The following PTPRD variants were observed in gnomAD, a reference collection of about 807,000 sequenced individuals.
PTPRD encodes protein tyrosine phosphatase receptor type D.
A neutral mutation model predicts 214.5 loss-of-function variants in PTPRD; 34 were observed. That is an observed-to-expected ratio of 0.16 (90% CI 0.12 to 0.21). PTPRD has a LOEUF of 0.21. PTPRD is among the 10% of genes least tolerant of loss of function. The pLI is 1.00. For missense variants in PTPRD, 2,545 were observed against 2,398.7 expected (o/e 1.06, Z -1.27); for synonymous variants, 1,128 against 845.7 (o/e 1.33, Z -5.79).
chr9:8,541,617 C>T (rs1040434194), intron 14 of PTPRD, among the ~76,000 whole-genome samples: 12 of 152,122 alleles, frequency 7.9e-5, no homozygotes, highest in African/African-American at 2.9e-4. Flanking sequence ...AATCCTTCCA[C>T]CCTGGCCTTC....
intron 3 of PTPRD, among the ~76,000 whole-genome samples, chr9:10,044,186 T>C (rs1021290654): frequency 6.6e-6 from 1 of 150,850 alleles, no homozygotes; most frequent in Non-Finnish European, 1.5e-5. Flanking sequence ...CTCCCTATAA[T>C]TGTGTTTCTG....
At chr9:9,582,008 A>G (rs936371999) in intron 7 of PTPRD, among the ~76,000 whole-genome samples, 6 of 152,190 alleles carry the variant, frequency 3.9e-5, no homozygotes, top group Admixed American at 1.3e-4. Context: ...TTCAAAAGCT[A>G]CTAGACATTG....
At chr9:9,458,239 A>G in intron 8 of PTPRD, among the ~76,000 whole-genome samples, 1 of 152,178 alleles carries the variant, frequency 6.6e-6, no homozygotes, top group Admixed American at 6.6e-5. Flanking sequence ...ATAAATGAGT[A>G]AACAATTCAA....
At chr9:9,990,871 C>G (rs1267288303) in intron 4 of PTPRD, among the ~76,000 whole-genome samples, 1 of 151,908 alleles carries the variant, frequency 6.6e-6, no homozygotes. Context: ...GATATATTGT[C>G]TCAGTGTCAA....
chr9:10,169,756 T>G (rs2099188869), intron 3 of PTPRD, among the ~76,000 whole-genome samples: 1 of 151,968 alleles, frequency 6.6e-6, no homozygotes, highest in Admixed American at 6.6e-5. Flanking sequence ...TGTAGATGAG[T>G]GTTTAGGCAG....
chr9:8,975,666 G>T, intron 11 of PTPRD, among the ~76,000 whole-genome samples: 1 of 151,842 alleles, frequency 6.6e-6, no homozygotes, highest in East Asian at 1.9e-4. Flanking sequence ...TATTTATTCA[G>T]TGTAATAAAC....
At chr9:9,941,421 C>G (rs552742575) in intron 4 of PTPRD, among the ~76,000 whole-genome samples, 1 of 152,158 alleles carries the variant, frequency 6.6e-6, no homozygotes, top group African/African-American at 2.4e-5. Context: ...CTCTTGGGTT[C>G]AAGTGATTCT....
rs780335219 is a variant in PTPRD, at chr9:8,341,729, C to T, written c.4911G>A (p.Thr1637=). The change falls in exon 40 of 46, where the codon ACG becomes ACA. Residue 1637 remains threonine (T), a synonymous_variant. Transcript: ENST00000381196. ...GCTCCATTCCTGTGACATTCTCTCC[C>T]GTTTCTATTTGTGTCAGCTTCTGAA... ...AYIQKLTQIE[T]GENVTGMELE... 2.2e-5 allele frequency: 36 copies of T among 1,613,326 alleles called. No individual in the cohort carries two copies. Among genetic ancestry groups the T allele is most frequent in the South Asian group, 5.5e-5 (5 of 91,056 alleles).
chr9:9,086,822 G>A (rs2099767729), intron 10 of PTPRD, among the ~76,000 whole-genome samples: 1 of 152,106 alleles, frequency 6.6e-6, no homozygotes, highest in Non-Finnish European at 1.5e-5. Context: ...ACAGACTTCT[G>A]GGGAATTGGG....
At chr9:9,388,353 C>T (rs1034751942) in intron 9 of PTPRD, among the ~76,000 whole-genome samples, 1 of 152,090 alleles carries the variant, frequency 6.6e-6, no homozygotes, top group African/African-American at 2.4e-5. Flanking sequence ...AGCCAGGGAC[C>T]ACACACTCCT....
At chr9:9,640,704 T>C (rs2095912192) in intron 7 of PTPRD, among the ~76,000 whole-genome samples, 1 of 152,200 alleles carries the variant, frequency 6.6e-6, no homozygotes, top group African/African-American at 2.4e-5. Context: ...AGAATAGTGA[T>C]TGGTCTTGAT....
intron 22 of PTPRD, 104 bp downstream of exon 22, chr9:8,507,197 G>A: frequency 7.7e-7 from 1 of 1,305,868 alleles, no homozygotes; most frequent in South Asian, 1.8e-5. Flanking sequence ...TTCCATCAAG[G>A]TCCTCAATAG....
intron 2 of PTPRD, among the ~76,000 whole-genome samples, chr9:10,355,623 C>A (rs2097262908): frequency 6.6e-6 from 1 of 151,910 alleles, no homozygotes; most frequent in South Asian, 2.1e-4. Context: ...GGATTACAGG[C>A]ATGCACGACC....
chr9:9,101,894 T>A (rs949580387), intron 10 of PTPRD, among the ~76,000 whole-genome samples: 3 of 152,208 alleles, frequency 2.0e-5, no homozygotes, highest in East Asian at 1.9e-4. Context: ...CCGTATTTTT[T>A]AAAAATTGAC....
intron 8 of PTPRD, among the ~76,000 whole-genome samples, chr9:9,467,471 C>CAGCT (rs1476263773): frequency 2.0e-5 from 3 of 150,802 alleles, no homozygotes; most frequent in African/African-American, 7.3e-5. Flanking sequence ...CCTGTAGTCC[C>CAGCT]AGCTACTCGA....
At chr9:9,216,949 C>T (rs2099952664) in intron 9 of PTPRD, among the ~76,000 whole-genome samples, 1 of 151,536 alleles carries the variant, frequency 6.6e-6, no homozygotes, top group Non-Finnish European at 1.5e-5. Flanking sequence ...TATTATTTCC[C>T]ACATTGGGCT....
At chr9:8,935,742 T>C (rs2098992569) in intron 11 of PTPRD, among the ~76,000 whole-genome samples, 1 of 152,222 alleles carries the variant, frequency 6.6e-6, no homozygotes, top group Non-Finnish European at 1.5e-5. Flanking sequence ...CAGAAAAAGA[T>C]ATTTTTCAAA....
intron 2 of PTPRD, among the ~76,000 whole-genome samples, chr9:10,587,136 A>C (rs940866557): frequency 6.6e-6 from 1 of 152,092 alleles, no homozygotes; most frequent in Non-Finnish European, 1.5e-5. Flanking sequence ...AATCATGAAA[A>C]GACCCATTGT....
At chr9:8,712,238 G>T (rs1172762858) in intron 12 of PTPRD, among the ~76,000 whole-genome samples, 1 of 152,188 alleles carries the variant, frequency 6.6e-6, no homozygotes, top group African/African-American at 2.4e-5. Flanking sequence ...TTGGTAAACA[G>T]TCTTTTGGCT....
Sources: gnomAD v4.1 joint callset for allele counts (sites outside exome capture counted in the v4.1 genomes callset) on GRCh38, gnomAD v4.1.1 for gene constraint, MANE v1.5 for transcripts, NCBI Gene and HGNC (gene_info 2026-07-23, HGNC 2026-07-21) for gene names.